ADGRG2: variants seen among roughly 807,000 people sequenced by gnomAD.
The protein encoded by ADGRG2 is adhesion G protein-coupled receptor G2.
Under a neutral mutation model 74.1 loss-of-function variants are expected in ADGRG2, and 26 were observed. That is an observed-to-expected ratio of 0.35 (90% CI 0.26 to 0.49). ADGRG2 has a LOEUF of 0.49. ADGRG2 is among the 20% of genes least tolerant of loss of function. The probability of loss-of-function intolerance (pLI) is 0.99; values close to 1 mark genes in which losing one functional copy is unlikely to be tolerated. For synonymous variants in ADGRG2, 296 were observed against 295.2 expected (o/e 1.00, Z -0.03); for missense variants, 619 against 763.1 (o/e 0.81, Z 2.22).
In ADGRG2 at chrX:18,989,327, T is replaced by A. The variant is rs1246712934; in HGVS notation, c.*1537A>T. ...CAAACTTAAAGATCTTAACTGCAAA[T>A]TTATTTCATTGATTTTAACATTTTT... On this transcript the variant is annotated 3_prime_UTR_variant, in exon 29 of 29. Coordinates refer to ENST00000379869, the MANE Select transcript of ADGRG2 (RefSeq NM_001079858.3). The A allele has an allele frequency of 2.7e-5, 3 of 112,510 alleles. No individual in the cohort carries two copies. The highest frequency in any genetic ancestry group is 9.7e-5 in the African/African-American group (3 of 30,900). 9.3% of individuals were successfully genotyped at this position (112,510 alleles called of 1,213,427 possible).
At chrX:19,097,459 C>A (rs1462840885) in intron 1 of ADGRG2, among the ~76,000 whole-genome samples, 1 of 112,322 alleles carries the variant, frequency 8.9e-6, no homozygotes, top group African/African-American at 3.2e-5. Flanking sequence ...TGAAGTGAAC[C>A]GAGATAGCGC....
chrX:19,023,465 CA>C lies in ADGRG2; in HGVS notation c.511-13del. 9.7e-7 allele frequency: 1 copy of C among 1,030,840 alleles called. No individual in the cohort carries two copies. The allele number at this position is 1,030,840 out of a possible 1,213,427, so 85.0% of individuals were successfully genotyped here. A position where few individuals can be genotyped will look rare whatever the true frequency, so the allele number is the denominator to read the frequency against. ...ATTATAAAGTAAGTCTGAAACAAAA[CA>C]AAAAACACGTATACACATATATGTT... is the stretch of plus-strand genomic sequence containing the variant. On this transcript the variant is annotated splice_polypyrimidine_tract_variant and intron_variant, in intron 12 of 28. Coordinates refer to ENST00000379869, the MANE Select transcript of ADGRG2 (RefSeq NM_001079858.3).
At chrX:19,055,240 TTGTGTGTGTGTG>T (rs35438679) in intron 3 of ADGRG2, among the ~76,000 whole-genome samples, 158 of 103,659 alleles carry the variant, frequency 1.5e-3, no homozygotes, top group African/African-American at 5.2e-3. Flanking sequence ...GCAAATCCCT[TTGTGTGTGTGTG>T]TGTGTGTGTG....
chrX:19,006,146 C>T, intron 21 of ADGRG2, 41 bp from the exon 22 acceptor site: 1 of 1,118,802 alleles, frequency 8.9e-7, no homozygotes. Flanking sequence ...TCAGCAAGGC[C>T]ACAGCACCAG....
intron 3 of ADGRG2, among the ~76,000 whole-genome samples, chrX:19,050,365 G>T (rs953898469): frequency 3.6e-5 from 4 of 111,799 alleles, no homozygotes; most frequent in African/African-American, 1.3e-4. Flanking sequence ...TGAGCAGGCT[G>T]CCAGGGCTCG....
intron 1 of ADGRG2, among the ~76,000 whole-genome samples, chrX:19,104,272 T>C (rs1275049733): frequency 9.1e-6 from 1 of 110,175 alleles, no homozygotes; most frequent in Non-Finnish European, 1.9e-5. Flanking sequence ...ATGTGGTTTG[T>C]AGGAGCCCCC....
At chrX:19,114,071 CAAAAAAAAAAAAAAAAAAGT>C (rs1276236119) in intron 1 of ADGRG2, among the ~76,000 whole-genome samples, 1 of 27,020 alleles carries the variant, frequency 3.7e-5, no homozygotes, top group Non-Finnish European at 7.7e-5. Flanking sequence ...GAATCTGTCT[CAAAAAAAAAAAAAAAAAAGT>C]AAAAAAAAAA....
intron 1 of ADGRG2, among the ~76,000 whole-genome samples, chrX:19,090,164 C>G (rs920900043): frequency 8.9e-6 from 1 of 111,806 alleles, no homozygotes; most frequent in Non-Finnish European, 1.9e-5. Context: ...CTCTGGAACC[C>G]ACATAAGCAG....
At position 18,991,070 on chromosome X, in the gene ADGRG2, G is replaced by A. The variant is rs373521478; in HGVS notation, c.2870-22C>T. 9.1e-5 allele frequency: 95 copies of A among 1,048,194 alleles called. No individual in the cohort carries two copies. In the South Asian group the frequency reaches 1.8e-3, roughly 20 times the overall value. The allele number at this position is 1,048,194 out of a possible 1,213,427, so 86.4% of individuals were successfully genotyped here. ...TTTCCTGTATAAGGAAACACAAAGCGGGTGGCATGAAGTATCCACAGAAAG... is the reference window on the plus strand; with the variant it reads ...TTTCCTGTATAAGGAAACACAAAGCAGGTGGCATGAAGTATCCACAGAAAG... On this transcript the variant is annotated intron_variant, in intron 28 of 28. Coordinates refer to ENST00000379869, the MANE Select transcript of ADGRG2 (RefSeq NM_001079858.3).
intron 3 of ADGRG2, among the ~76,000 whole-genome samples, chrX:19,044,611 A>C (rs1462051964): frequency 9.0e-6 from 1 of 111,410 alleles, no homozygotes; most frequent in Non-Finnish European, 1.9e-5. Flanking sequence ...AGAAAATCCT[A>C]CAGGGGTCAA....
intron 4 of ADGRG2, among the ~76,000 whole-genome samples, chrX:19,038,532 A>G (rs2060989801): frequency 8.9e-6 from 1 of 112,870 alleles, no homozygotes; most frequent in Non-Finnish European, 1.9e-5. Flanking sequence ...TTCCTGAGCA[A>G]TAAGATTCAA....
At chrX:19,117,834 A>G (rs754738019) in intron 1 of ADGRG2, among the ~76,000 whole-genome samples, 18 of 110,428 alleles carry the variant, frequency 1.6e-4, no homozygotes, top group Non-Finnish European at 2.8e-4. Context: ...ATAAAATAAA[A>G]TGAATTGACT....
Position 19,013,935 on chromosome X carries a change from C to T in ADGRG2, c.850G>A (p.Asp284Asn), listed in dbSNP as rs1423208015. ...PKATSFAEPPDYSPVTHNVPS... is the reference protein window; with the variant it reads ...PKATSFAEPPNYSPVTHNVPS... ...ACATTGTGGGTCACAGGTGAATAAT[C>T]TGGAGGCTCAGCAAAAGAGGTAGCT... The change falls in exon 16 of 29, where the codon GAT becomes AAT. Residue 284 changes from aspartate (D) to asparagine (N), a missense_variant. Coordinates refer to ENST00000379869, the MANE Select transcript of ADGRG2 (RefSeq NM_001079858.3). 4 of 1,208,545 alleles carry T rather than the reference C, an allele frequency of 3.3e-6. No individual in the cohort carries two copies. Among genetic ancestry groups the T allele is most frequent in the Non-Finnish European group, 4.5e-6 (4 of 894,844 alleles).
chrX:19,109,197 G>A lies in ADGRG2; in HGVS notation c.-47+13245C>T, dbSNP rs754753891. Among the ~76,000 whole-genome samples the A allele has an allele frequency of 2.2e-4, 24 of 111,285 alleles. 1 individual carries two copies. Among genetic ancestry groups the A allele is most frequent in the African/African-American group, 3.3e-4 (10 of 30,659 alleles). On this transcript the variant is annotated intron_variant, in intron 1 of 28. Transcript: ENST00000379869. ...TCAATATCACAAGCTGAGTAATGGC[G>A]CCCAGCTCTTGACTCATGTATGAAC...
intron 23 of ADGRG2, among the ~76,000 whole-genome samples, chrX:19,003,902 T>G (rs1329559630): frequency 8.9e-6 from 1 of 112,169 alleles, no homozygotes; most frequent in Admixed American, 9.5e-5. Flanking sequence ...TGTAATAGCA[T>G]AGGAGAAGCC....
chrX:19,024,083 T>C (rs1569386621), intron 11 of ADGRG2, 135 bp from the exon 12 acceptor site: 2 of 470,592 alleles, frequency 4.2e-6, no homozygotes, highest in East Asian at 7.5e-5. Flanking sequence ...AAATAGAGAG[T>C]ATAATAAGAG....
At chrX:19,099,350 G>A (rs1053418988) in intron 1 of ADGRG2, among the ~76,000 whole-genome samples, 6 of 112,123 alleles carry the variant, frequency 5.4e-5, no homozygotes, top group African/African-American at 1.9e-4. Flanking sequence ...ACCCTGGTTA[G>A]GGCATGCACA....
At chrX:19,081,357 G>A (rs1443727689) in intron 2 of ADGRG2, among the ~76,000 whole-genome samples, 1 of 111,825 alleles carries the variant, frequency 8.9e-6, no homozygotes, top group Non-Finnish European at 1.9e-5. Context: ...AAAGCCTCCT[G>A]GGGCATTGAT....
intron 2 of ADGRG2, among the ~76,000 whole-genome samples, chrX:19,069,518 T>C (rs1370103860): frequency 9.0e-6 from 1 of 110,894 alleles, no homozygotes; most frequent in Non-Finnish European, 1.9e-5. Flanking sequence ...AGTGAGAACA[T>C]GCATTCTCAT....
Sources: gnomAD v4.1 joint callset for allele counts (sites outside exome capture counted in the v4.1 genomes callset) on GRCh38, gnomAD v4.1.1 for gene constraint, MANE v1.5 for transcripts, NCBI Gene and HGNC (gene_info 2026-07-23, HGNC 2026-07-21) for gene names.